OR51B5: variants seen among roughly 807,000 people sequenced by gnomAD.
OR51B5 encodes olfactory receptor family 51 subfamily B member 5, also known as olfactory receptor 51B5.
For missense variants in OR51B5, 456 were observed against 374.6 expected, an observed-to-expected ratio of 1.22 and a Z score of -1.79; for synonymous variants, 186 against 144.8, an observed-to-expected ratio of 1.28 and a Z score of -2.04.
chr11:5,351,764 A>G (rs1849092344), intron 1 of OR51B5: 2 of 1,613,958 alleles, frequency 1.2e-6, no homozygotes, highest in Admixed American at 1.7e-5. Context: ...CTGTGGTTAG[A>G]TCACAGGGAG....
intron 1 of OR51B5, among the ~76,000 whole-genome samples, chr11:5,487,907 T>A (rs1436364738): frequency 6.6e-6 from 1 of 152,212 alleles, no homozygotes; most frequent in Non-Finnish European, 1.5e-5. Context: ...ATATATTCAA[T>A]CATGATATGA....
upstream of OR51B5, among the ~76,000 whole-genome samples, chr11:5,347,767 A>T (rs1295122354): frequency 6.6e-6 from 1 of 151,908 alleles, no homozygotes; most frequent in Non-Finnish European, 1.5e-5. Context: ...GGAAGGAAGG[A>T]GGTAGGGAGA....
At chr11:5,343,403 C>T (rs781385753) in exon 1 of OR51B5, 6 of 1,612,914 alleles carry the variant, frequency 3.7e-6, no homozygotes, top group East Asian at 2.2e-5. Flanking sequence ...AAGGAGGGTG[C>T]CATTGCCAAA....
intron 1 of OR51B5, among the ~76,000 whole-genome samples, chr11:5,413,314 G>C (rs1434310998): frequency 6.6e-6 from 1 of 151,882 alleles, no homozygotes; most frequent in African/African-American, 2.4e-5. Flanking sequence ...ACCAAAAGTA[G>C]ATAAAACCAC....
chr11:5,441,985 A>G (rs1420164493), intron 1 of OR51B5, among the ~76,000 whole-genome samples: 1 of 152,130 alleles, frequency 6.6e-6, no homozygotes, highest in Non-Finnish European at 1.5e-5. Flanking sequence ...AAACTTTTCT[A>G]TCCCTGAAAT....
At chr11:5,478,404 A>T (rs1851353552) in intron 1 of OR51B5, among the ~76,000 whole-genome samples, 2 of 151,340 alleles carry the variant, frequency 1.3e-5, no homozygotes, top group Non-Finnish European at 3.0e-5. Context: ...AACCACAAAG[A>T]TGGGGAAAAA....
At chr11:5,441,777 G>A (rs1363382434) in intron 1 of OR51B5, among the ~76,000 whole-genome samples, 3 of 152,112 alleles carry the variant, frequency 2.0e-5, no homozygotes, top group African/African-American at 7.2e-5. Flanking sequence ...AACATAGCAA[G>A]GCATAATAGG....
At chr11:5,440,668 G>A (rs1190935182) in intron 1 of OR51B5, 1 of 1,613,884 alleles carries the variant, frequency 6.2e-7, no homozygotes, top group South Asian at 1.1e-5. Flanking sequence ...GGTACAAACA[G>A]GTAGACATTG....
intron 1 of OR51B5, among the ~76,000 whole-genome samples, chr11:5,495,265 T>A (rs1449868254): frequency 2.0e-5 from 3 of 152,308 alleles, no homozygotes; most frequent in African/African-American, 7.2e-5. Flanking sequence ...CATAAAAATG[T>A]ATGAAAGCAT....
At chr11:5,359,023 C>T (rs1849237665) in intron 1 of OR51B5, among the ~76,000 whole-genome samples, 1 of 152,006 alleles carries the variant, frequency 6.6e-6, no homozygotes, top group Non-Finnish European at 1.5e-5. Context: ...TATGACAAAC[C>T]CACAGCCAAT....
rs573593979 is a variant in OR51B5, at chr11:5,424,900, G to T, written n.85-77990C>A. Among the ~76,000 whole-genome samples, 17 of 103,464 alleles carry T rather than the reference G, an allele frequency of 1.6e-4. 2 individuals carry two copies. Among genetic ancestry groups the T allele is most frequent in the Admixed American group, 8.0e-4 (8 of 9,982 alleles). The allele number at this position is 103,464 out of a possible 152,430, so 67.9% of individuals were successfully genotyped here. A position where few individuals can be genotyped will look rare whatever the true frequency, so the allele number is the denominator to read the frequency against. ...AGGAGGCTGAGGCAGGAGAATGGCG[G>T]GAACCCGGGAGGCGGAGCTTGCAGT... On this transcript the variant is annotated intron_variant and non_coding_transcript_variant, in intron 1 of 4. Coordinates refer to the OR51B5 transcript ENST00000415970.
At chr11:5,410,946 G>GTAT (rs35966778) in intron 1 of OR51B5, among the ~76,000 whole-genome samples, 123,461 of 151,946 alleles carry the variant, frequency 0.81, 51,205 homozygotes, top group Non-Finnish European at 0.89. Flanking sequence ...GGATTTAGCT[G>GTAT]TATTACAAAA....
chr11:5,402,857 A>T lies in OR51B5; in HGVS notation n.85-55947T>A, dbSNP rs201058453. The T allele has an allele frequency of 5.1e-4, 241 of 471,532 alleles. 2 individuals are homozygous for T. The highest frequency in any genetic ancestry group is 2.3e-3 in the Middle Eastern group (7 of 3,080). The allele number at this position is 471,532 out of a possible 1,614,324, so 29.2% of individuals were successfully genotyped here. ...CCACCCTGCCTACAGTGTTAGGCAT[A>T]TTCCTTTTTGGAAATACTGAAATTA... On this transcript the variant is annotated intron_variant and non_coding_transcript_variant, in intron 1 of 4. Transcript: ENST00000415970.
upstream of OR51B5, among the ~76,000 whole-genome samples, chr11:5,347,578 G>A (rs991874371): frequency 2.0e-5 from 3 of 152,120 alleles, no homozygotes; most frequent in Admixed American, 6.6e-5. Context: ...GAAATGCAAT[G>A]AGATAAAATA....
chr11:5,444,729 G>T (rs569859393), intron 1 of OR51B5, among the ~76,000 whole-genome samples: 1 of 152,226 alleles, frequency 6.6e-6, no homozygotes, highest in South Asian at 2.1e-4. Context: ...ACCAAGTCTT[G>T]CTTGTGTGTG....
chr11:5,444,846 C>T (rs1269266220), intron 1 of OR51B5, among the ~76,000 whole-genome samples: 2 of 152,110 alleles, frequency 1.3e-5, no homozygotes, highest in African/African-American at 4.8e-5. Context: ...GCACAATTAT[C>T]CCTGATGTAA....
chr11:5,343,341 CCAGAAAGAAGTACATGGG>C, exon 1 of OR51B5: 17 of 1,611,922 alleles, frequency 1.1e-5, no homozygotes, highest in Non-Finnish European at 1.4e-5. Context: ...GCCAGCATGG[CCAGAAAGAAGTACATGGG>C]CTCATGAAGA....
intron 1 of OR51B5, chr11:5,392,679 G>C (rs940462474): frequency 6.6e-6 from 1 of 152,262 alleles, no homozygotes; most frequent in East Asian, 1.9e-4. Context: ...CTGGGAGGCC[G>C]AGGCGGGTGG....
intron 1 of OR51B5, chr11:5,431,307 G>A (rs1481159896): frequency 6.6e-6 from 2 of 302,870 alleles, no homozygotes; most frequent in East Asian, 1.6e-4. Flanking sequence ...TCTGGGCCAG[G>A]CAGCCATCAA....
Sources: gnomAD v4.1 joint callset for allele counts (sites outside exome capture counted in the v4.1 genomes callset) on GRCh38, gnomAD v4.1.1 for gene constraint, MANE v1.5 for transcripts, NCBI Gene and HGNC (gene_info 2026-07-23, HGNC 2026-07-21) for gene names.